The following RXRB variants were observed in gnomAD, a reference collection of about 807,000 sequenced individuals.
The protein encoded by RXRB is retinoic acid receptor RXR-beta.
RXRB carries 18 observed loss-of-function variants against 52.5 expected under a neutral mutation model. That is an observed-to-expected ratio of 0.34 (90% CI 0.24 to 0.51). The LOEUF (loss-of-function observed/expected upper bound fraction) is 0.51. RXRB is among the 20% of genes least tolerant of loss of function. RXRB has a pLI of 0.97. For missense variants in RXRB, 455 were observed against 698.2 expected, an observed-to-expected ratio of 0.65 and a Z score of 3.92; for synonymous variants, 233 against 267.1, an observed-to-expected ratio of 0.87 and a Z score of 1.25.
At position 33,195,660 on chromosome 6, in the gene RXRB, A is replaced by G. The variant is rs777816806; in HGVS notation, c.1166T>C (p.Ile389Thr). The G allele has an allele frequency of 1.2e-6, 2 of 1,612,982 alleles. No individual in the cohort carries two copies. The highest frequency in any genetic ancestry group is 1.7e-5 in the Admixed American group (1 of 60,032). Reference protein sequence around the residue: ...LLIASFSHRSIDVRDGILLAT... With the variant: ...LLIASFSHRSTDVRDGILLAT... ...AAGGAGGATGCCATCTCGAACATCA[A>G]TGGATCGGTGTGAGAAGGAGGCAAT... Residue 389 changes from isoleucine to threonine, a missense_variant, in exon 7 of 10, where the codon ATT becomes ACT. Ile to Thr is a moderately conservative substitution (Grantham distance 89, BLOSUM62 -1). Coordinates refer to ENST00000374680, the MANE Select transcript of RXRB (RefSeq NM_021976.5). The surrounding 1 kb of genome is among the most constrained non-coding windows in gnomAD (Gnocchi z 8.6).
At position 33,200,584 on chromosome 6, in the gene RXRB, G is replaced by T; in HGVS notation, c.-108C>A. 1 of 1,490,924 alleles carries T rather than the reference G, an allele frequency of 6.7e-7. No homozygotes were observed. 92.4% of individuals were successfully genotyped at this position (1,490,924 alleles called of 1,614,324 possible). On this transcript the variant is annotated 5_prime_UTR_variant, in exon 1 of 10. Coordinates refer to ENST00000374680, the MANE Select transcript of RXRB (RefSeq NM_021976.5). This position sits in a 1 kb window ranked among gnomAD's most constrained non-coding sequence, Gnocchi z 6.3. The stretch of plus-strand genomic sequence containing the variant: ...GCCCCTGAGAGAAAGACTCTGGCCT[G>T]GATTGGGTCGAATTAAGCCCGTCGC...
rs758098296 is a variant in RXRB, at chr6:33,195,651, C to T, written c.1175G>A (p.Arg392Gln). ...ASFSHRSIDV[R>Q]DGILLATGLH... ...ACCTGTGGCAAGGAGGATGCCATCT[C>T]GAACATCAATGGATCGGTGTGAGAA... is the stretch of plus-strand genomic sequence containing the variant. The change falls in exon 7 of 10, where the codon CGA (arginine) becomes CAA (glutamine). Residue 392 changes from arginine (R) to glutamine (Q), a missense_variant. By Grantham distance (43) the Arg-to-Gln change is conservative. Transcript: ENST00000374680. This position sits in a 1 kb window ranked among gnomAD's most constrained non-coding sequence, Gnocchi z 8.6. 4.3e-6 allele frequency: 7 copies of T among 1,612,972 alleles called. No homozygotes were observed. In the Admixed American group the frequency reaches 5.0e-5, roughly 12 times the overall value.
chr6:33,193,888 G>GA lies in RXRB; in HGVS notation c.*793_*794insT, dbSNP rs201032946. 6.6e-6 allele frequency: 1 copy of GA among 152,354 alleles called. No individual in the cohort carries two copies. The highest frequency in any genetic ancestry group is 1.5e-5 in the Non-Finnish European group (1 of 68,202). The allele number at this position is 152,354 out of a possible 1,614,324, so 9.4% of individuals were successfully genotyped here. On this transcript the variant is annotated 3_prime_UTR_variant, in exon 10 of 10. Transcript: ENST00000374680. The stretch of plus-strand genomic sequence containing the variant: ...CCAAGTTAGACAGGAAGAGATAGGG[G>GA]GGGCGGCGGGAAGCTGGGAAGGCTA...
Position 33,195,217 on chromosome 6 carries a change from G to T in RXRB, c.1348+146C>A. ...CACTGGGTTTGTGGGATGGATCCGT[G>T]GATGTGGGTTTTTCCTCGGCCAGTT... On this transcript the variant is annotated intron_variant, in intron 8 of 9. Coordinates refer to ENST00000374680, the MANE Select transcript of RXRB (RefSeq NM_021976.5). This position sits in a 1 kb window ranked among gnomAD's most constrained non-coding sequence, Gnocchi z 8.6. The T allele has an allele frequency of 1.3e-6, 1 of 763,324 alleles. No homozygotes were observed. Among genetic ancestry groups the T allele is most frequent in the Non-Finnish European group, 2.2e-6 (1 of 444,828 alleles). 47.3% of individuals were successfully genotyped at this position (763,324 alleles called of 1,614,324 possible). A position where few individuals can be genotyped will look rare whatever the true frequency, so the allele number is the denominator to read the frequency against.
Position 33,194,622 on chromosome 6 carries a change from T to C in RXRB, c.*60A>G. The C allele has an allele frequency of 6.3e-7, 1 of 1,574,974 alleles. No homozygotes were observed. The highest frequency in any genetic ancestry group is 8.6e-7 in the Non-Finnish European group (1 of 1,158,424). ...TGGCCCCCCACCCTGCCCCAGGGCTTGGAGTCCCTCTTGGATGTGTGCTCC... is the reference window on the plus strand; with the variant it reads ...TGGCCCCCCACCCTGCCCCAGGGCTCGGAGTCCCTCTTGGATGTGTGCTCC... On this transcript the variant is annotated 3_prime_UTR_variant, in exon 10 of 10. Transcript: ENST00000374680. This position sits in a 1 kb window ranked among gnomAD's most constrained non-coding sequence, Gnocchi z 4.1.
At position 33,194,607 on chromosome 6, in the gene RXRB, C is replaced by T. The variant is rs1261859537; in HGVS notation, c.*75G>A. 10 of 1,530,074 alleles carry T rather than the reference C, an allele frequency of 6.5e-6. No individual in the cohort carries two copies. Among genetic ancestry groups the T allele is most frequent in the Non-Finnish European group, 8.9e-6 (10 of 1,128,426 alleles). The allele number at this position is 1,530,074 out of a possible 1,614,324, so 94.8% of individuals were successfully genotyped here. A position where few individuals can be genotyped will look rare whatever the true frequency, so the allele number is the denominator to read the frequency against. On this transcript the variant is annotated 3_prime_UTR_variant, in exon 10 of 10. Coordinates refer to ENST00000374680, the MANE Select transcript of RXRB (RefSeq NM_021976.5). The surrounding 1 kb of genome is among the most constrained non-coding windows in gnomAD (Gnocchi z 4.1). The stretch of plus-strand genomic sequence containing the variant: ...AAGGTTCTGGGAACATGGCCCCCCA[C>T]CCTGCCCCAGGGCTTGGAGTCCCTC...
Position 33,200,534 on chromosome 6 carries a change from C to T in RXRB, c.-58G>A. On this transcript the variant is annotated 5_prime_UTR_variant, in exon 1 of 10. Transcript: ENST00000374680. The surrounding 1 kb of genome is among the most constrained non-coding windows in gnomAD (Gnocchi z 6.3). ...GTCCCAGGGATTCCCAAGGATTGAT[C>T]GGAGGATTAGCTGAGCACGAGGAAG... The T allele has an allele frequency of 6.5e-7, 1 of 1,526,770 alleles. No homozygotes were observed. Among genetic ancestry groups the T allele is most frequent in the Non-Finnish European group, 8.8e-7 (1 of 1,137,614 alleles). 94.6% of individuals were successfully genotyped at this position (1,526,770 alleles called of 1,614,324 possible). A position where few individuals can be genotyped will look rare whatever the true frequency, so the allele number is the denominator to read the frequency against.
Position 33,197,874 on chromosome 6 carries a change from G to T in RXRB, c.708C>A (p.Asp236Glu), listed in dbSNP as rs1306605563. 6.2e-7 allele frequency: 1 copy of T among 1,613,748 alleles called. No individual in the cohort carries two copies. Among genetic ancestry groups the T allele is most frequent in the Admixed American group, 1.7e-5 (1 of 60,026 alleles). ...KGFFKRTIRK[D>E]LTYSCRDNKD... ...TGTTGTCCCGGCAAGAGTATGTAAG[G>T]TCTTTGCGGATGGTGCGTTTGAAGA... The change falls in exon 4 of 10, where the codon GAC becomes GAA. Residue 236 changes from aspartate to glutamate, a missense_variant. Asp to Glu is a conservative substitution (Grantham distance 45, BLOSUM62 2). This residue lies in a region of RXRB where 100 missense variants were observed against 141.9 expected (regional missense o/e 0.70). Coordinates refer to ENST00000374680, the MANE Select transcript of RXRB (RefSeq NM_021976.5). This position sits in a 1 kb window ranked among gnomAD's most constrained non-coding sequence, Gnocchi z 4.4.
At position 33,195,277 on chromosome 6, in the gene RXRB, G is replaced by A. The variant is rs1773812802; in HGVS notation, c.1348+86C>T. The A allele has an allele frequency of 1.1e-6, 1 of 911,862 alleles. No individual in the cohort carries two copies. The allele number at this position is 911,862 out of a possible 1,614,324, so 56.5% of individuals were successfully genotyped here. ...CCAGGTTGAGGGTCTTACTGAGGGG[G>A]ATAGCTGGGTAACTTAGGAGTCTCG... On this transcript the variant is annotated intron_variant, in intron 8 of 9. Coordinates refer to ENST00000374680, the MANE Select transcript of RXRB (RefSeq NM_021976.5). The surrounding 1 kb of genome is among the most constrained non-coding windows in gnomAD (Gnocchi z 8.6).
chr6:33,196,773 G>T lies in RXRB; in HGVS notation c.821-167C>A, dbSNP rs1187978069. 2.6e-5 allele frequency among the ~76,000 whole-genome samples: 4 copies of T among 152,118 alleles called. No homozygotes were observed. The highest frequency in any genetic ancestry group is 1.3e-4 in the Admixed American group (2 of 15,278). ...GGACTGGGGGCAGCCCTGAAGGAAG[G>T]GTTATAAAAGGGCAGGTAAGTCAGT... On this transcript the variant is annotated intron_variant, in intron 4 of 9. Transcript: ENST00000374680. This position sits in a 1 kb window ranked among gnomAD's most constrained non-coding sequence, Gnocchi z 4.0.
At chr6:33,198,186 T>G in intron 3 of RXRB, 122 bp downstream of exon 3, 5 of 1,395,924 alleles carry the variant, frequency 3.6e-6, no homozygotes, top group Non-Finnish European at 5.1e-6. Flanking sequence ...TCAGCTTCTT[T>G]ACTCCCATCA....
Position 33,200,196 on chromosome 6 carries a change from G to A in RXRB, c.235+46C>T, listed in dbSNP as rs1774363319. 2 of 1,595,936 alleles carry A rather than the reference G, an allele frequency of 1.3e-6. No individual in the cohort carries two copies. Among genetic ancestry groups the A allele is most frequent in the South Asian group, 2.2e-5 (2 of 89,550 alleles). On this transcript the variant is annotated intron_variant, in intron 1 of 9. Coordinates refer to ENST00000374680, the MANE Select transcript of RXRB (RefSeq NM_021976.5). The surrounding 1 kb of genome is among the most constrained non-coding windows in gnomAD (Gnocchi z 6.3). ...GGGAGGGTGTGGGGGAGGGGTCGCA[G>A]ATAAAGCGGTCACTGGCTCGCCTGC...
At position 33,196,370 on chromosome 6, in the gene RXRB, A is replaced by C; in HGVS notation, c.993+64T>G. ...GGAAAGGAGGGGGAGGGGATGTAGA[A>C]CAGACCTAGACTGCCTCCCCCAACC... On this transcript the variant is annotated intron_variant, in intron 5 of 9. Coordinates refer to ENST00000374680, the MANE Select transcript of RXRB (RefSeq NM_021976.5). The surrounding 1 kb of genome is among the most constrained non-coding windows in gnomAD (Gnocchi z 4.0). 6.7e-7 allele frequency: 1 copy of C among 1,494,416 alleles called. No homozygotes were observed. Among genetic ancestry groups the C allele is most frequent in the Non-Finnish European group, 9.3e-7 (1 of 1,072,148 alleles). The allele number at this position is 1,494,416 out of a possible 1,614,324, so 92.6% of individuals were successfully genotyped here.
Position 33,200,091 on chromosome 6 carries a change from G to C in RXRB, c.235+151C>G, listed in dbSNP as rs1774346900. 3 of 1,134,422 alleles carry C rather than the reference G, an allele frequency of 2.6e-6. No homozygotes were observed. The highest frequency in any genetic ancestry group is 4.0e-6 in the Non-Finnish European group (3 of 756,346). 70.3% of individuals were successfully genotyped at this position (1,134,422 alleles called of 1,614,324 possible). ...CCCCTTCCCCGCCCCGCCCCGGGGG[G>C]GAGGGTGCTAAGGCCCTCGGGAGGG... On this transcript the variant is annotated intron_variant, in intron 1 of 9. Coordinates refer to ENST00000374680, the MANE Select transcript of RXRB (RefSeq NM_021976.5). The surrounding 1 kb of genome is among the most constrained non-coding windows in gnomAD (Gnocchi z 6.3).
intron 1 of RXRB, chr6:33,199,692 T>TA (rs1008029242): frequency 4.3e-4 from 196 of 454,462 alleles, no homozygotes; most frequent in African/African-American, 3.2e-3. Flanking sequence ...TTTGACTGGC[T>TA]AAAAAAACCC....
rs752669200 is a variant in RXRB at position 33,196,444 on chromosome 6, C to G, written c.983G>C (p.Ser328Thr). ...GVEGPGGTGG[S>T]GSSPNDPVTN... ...GACCCCAACACTCACGCTGCTGCCG[C>G]TACCCCCGGTTCCCCCAGGACCCTC... Residue 328 changes from serine to threonine, a missense_variant, in exon 5 of 10, where the codon AGC (serine) becomes ACC (threonine). Physicochemically the swap from Ser to Thr is moderately conservative, Grantham distance 58. Transcript: ENST00000374680. This position sits in a 1 kb window ranked among gnomAD's most constrained non-coding sequence, Gnocchi z 4.0. 1 of 1,613,020 alleles carries G rather than the reference C, an allele frequency of 6.2e-7. No individual in the cohort carries two copies. The highest frequency in any genetic ancestry group is 8.5e-7 in the Non-Finnish European group (1 of 1,179,992).
Position 33,196,164 on chromosome 6 carries a change from AAGTG to A in RXRB, c.994-132_994-129del. 8.4e-7 allele frequency: 1 copy of A among 1,193,748 alleles called. No homozygotes were observed. The highest frequency in any genetic ancestry group is 1.2e-6 in the Non-Finnish European group (1 of 824,508). 73.9% of individuals were successfully genotyped at this position (1,193,748 alleles called of 1,614,324 possible). A position where few individuals can be genotyped will look rare whatever the true frequency, so the allele number is the denominator to read the frequency against. ...GAGCCCCATCCAAACCAATCCCTGT[AAGTG>A]AGTCTTCTCTTCTGGCATTAGTGCA... On this transcript the variant is annotated intron_variant, in intron 5 of 9. Coordinates refer to ENST00000374680, the MANE Select transcript of RXRB (RefSeq NM_021976.5). The surrounding 1 kb of genome is among the most constrained non-coding windows in gnomAD (Gnocchi z 4.0).
At position 33,194,535 on chromosome 6, in the gene RXRB, T is replaced by C. The variant is rs1773739839; in HGVS notation, c.*147A>G. 2.5e-6 allele frequency: 2 copies of C among 794,568 alleles called. No individual in the cohort carries two copies. The highest frequency in any genetic ancestry group is 1.9e-6 in the Non-Finnish European group (1 of 522,100). The allele number at this position is 794,568 out of a possible 1,614,324, so 49.2% of individuals were successfully genotyped here. A position where few individuals can be genotyped will look rare whatever the true frequency, so the allele number is the denominator to read the frequency against. On this transcript the variant is annotated 3_prime_UTR_variant, in exon 10 of 10. Transcript: ENST00000374680. This position sits in a 1 kb window ranked among gnomAD's most constrained non-coding sequence, Gnocchi z 4.1. ...CAACTTGGGATATCAAGCAGATCCC[T>C]TGGAGGGTTTATGTTCTTGGTTCTG...
rs576861100 is a variant in RXRB, at chr6:33,200,215, C to G, written c.235+27G>C. The G allele has an allele frequency of 4.4e-6, 7 of 1,602,010 alleles. 1 individual carries two copies. In the African/African-American group the frequency reaches 9.4e-5, roughly 21 times the overall value. ...GTCGCAGATAAAGCGGTCACTGGCT[C>G]GCCTGCCCTTCTGCTGGGGCACTCA... On this transcript the variant is annotated intron_variant, in intron 1 of 9. Coordinates refer to ENST00000374680, the MANE Select transcript of RXRB (RefSeq NM_021976.5). The surrounding 1 kb of genome is among the most constrained non-coding windows in gnomAD (Gnocchi z 6.3).
Sources: allele counts gnomAD v4.1 joint callset (sites outside exome capture counted in the v4.1 genomes callset), GRCh38; gene constraint gnomAD v4.1.1; regional missense constraint gnomAD v4.1.1; non-coding constraint Gnocchi (gnomAD v3.1); transcripts MANE v1.5; gene names NCBI Gene and HGNC (gene_info 2026-07-23, HGNC 2026-07-21).